Variants in MTOR observed in about 807,000 individuals in gnomAD.
MTOR encodes serine/threonine-protein kinase mTOR.
MTOR carries 70 observed loss-of-function variants against 319.8 expected under a neutral mutation model. The observed-to-expected ratio is 0.22, with a 90% CI of 0.18 to 0.27. The LOEUF (loss-of-function observed/expected upper bound fraction) is 0.27. Ranked by LOEUF, MTOR falls within the 10% of genes least tolerant of loss-of-function variation. The pLI, the probability that MTOR is intolerant of heterozygous loss-of-function variation, is 1.00. For missense variants in MTOR, 1,890 were observed against 3,274.4 expected, an observed-to-expected ratio of 0.58 and a Z score of 10.32; for synonymous variants, 1,183 against 1,211.4, an observed-to-expected ratio of 0.98 and a Z score of 0.49.
chr1:11,192,619 A>G (rs1230807651), intron 28 of MTOR, among the ~76,000 whole-genome samples: 2 of 151,864 alleles, frequency 1.3e-5, no homozygotes, highest in African/African-American at 4.8e-5. Context: ...TTAGCCAGGC[A>G]TGGTGGTGGG....
chr1:11,161,553 C>T (rs1644478441), intron 29 of MTOR, among the ~76,000 whole-genome samples: 1 of 152,186 alleles, frequency 6.6e-6, no homozygotes, highest in Non-Finnish European at 1.5e-5. Flanking sequence ...CCGACTGACA[C>T]CTCACACGGC....
chr1:11,113,024 G>A, intron 53 of MTOR, 107 bp from the exon 54 acceptor site: 1 of 1,210,826 alleles, frequency 8.3e-7, no homozygotes, highest in Non-Finnish European at 1.2e-6. Context: ...TAAAGCTATA[G>A]CCCCAAAAAA....
Position 11,121,676 on chromosome 1 carries a change from C to T in MTOR, c.6810+303G>A, listed in dbSNP as rs1460540867. On this transcript the variant is annotated intron_variant, in intron 48 of 57. Coordinates refer to ENST00000361445, the MANE Select transcript of MTOR (RefSeq NM_004958.4). The surrounding 1 kb of genome is among the most constrained non-coding windows in gnomAD (Gnocchi z 4.9). ...AAGCAATTCTCTTTCTTATTACTTA[C>T]ACATCTACTAAACATTATTTCTCCA... Among the ~76,000 whole-genome samples the T allele has an allele frequency of 6.6e-6, 1 of 152,204 alleles. No homozygotes were observed. The highest frequency in any genetic ancestry group is 1.5e-5 in the Non-Finnish European group (1 of 68,028).
In MTOR at chr1:11,114,794, G is replaced by A. The variant is rs2275523; in HGVS notation, c.7164+19C>T. The A allele has an allele frequency of 0.011, 17,542 of 1,612,106 alleles. 616 individuals are homozygous for A. Among genetic ancestry groups the A allele is most frequent in the African/African-American group, 0.068 (5,132 of 74,924 alleles). Reference sequence around the variant, plus strand: ...TCCTGATCCCATTTGGAAGCAGCTCGTTCCCGATATCCACTCACCTCCATA... The same window carrying A: ...TCCTGATCCCATTTGGAAGCAGCTCATTCCCGATATCCACTCACCTCCATA... On this transcript the variant is annotated intron_variant, in intron 52 of 57. Transcript: ENST00000361445.
intron 28 of MTOR, among the ~76,000 whole-genome samples, chr1:11,174,403 C>T (rs2100642453): frequency 6.6e-6 from 1 of 152,270 alleles, no homozygotes; most frequent in African/African-American, 2.4e-5. Flanking sequence ...TACTCCCAAG[C>T]TCCCATCTCA....
chr1:11,151,036 G>A (rs1644123315), intron 30 of MTOR, among the ~76,000 whole-genome samples: 1 of 152,144 alleles, frequency 6.6e-6, no homozygotes, highest in African/African-American at 2.4e-5. Context: ...GATTTAACTT[G>A]GCACTGGAGG....
At chr1:11,168,908 G>C (rs141621305) in intron 28 of MTOR, among the ~76,000 whole-genome samples, 1 of 152,082 alleles carries the variant, frequency 6.6e-6, no homozygotes, top group Non-Finnish European at 1.5e-5. Context: ...GAAGGAGCTC[G>C]CTTGAGAAAT....
Position 11,133,224 on chromosome 1 carries a change from G to A in MTOR, c.5247-27C>T. 3 of 1,597,682 alleles carry A rather than the reference G, an allele frequency of 1.9e-6. No individual in the cohort carries two copies. The highest frequency in any genetic ancestry group is 1.7e-6 in the Non-Finnish European group (2 of 1,165,088). ...TGGAAGCAGAGAAACAAGCCCCCATGACATTCCCTCCTCAAAACAGCCCTC... is the reference window on the plus strand; with the variant it reads ...TGGAAGCAGAGAAACAAGCCCCCATAACATTCCCTCCTCAAAACAGCCCTC... On this transcript the variant is annotated intron_variant, in intron 37 of 57. Coordinates refer to ENST00000361445, the MANE Select transcript of MTOR (RefSeq NM_004958.4). This position sits in a 1 kb window ranked among gnomAD's most constrained non-coding sequence, Gnocchi z 4.0.
intron 3 of MTOR, 117 bp downstream of exon 3, chr1:11,258,368 G>A (rs1650699791): frequency 9.7e-6 from 7 of 719,156 alleles, no homozygotes; most frequent in South Asian, 5.6e-5. Flanking sequence ...TAAAAGCCAC[G>A]GGCTTCTTAA....
chr1:11,112,886 C>G lies in MTOR; in HGVS notation c.7332G>C (p.Thr2444=), dbSNP rs781761289. 1.9e-6 allele frequency: 3 copies of G among 1,614,204 alleles called. No homozygotes were observed. Among genetic ancestry groups the G allele is most frequent in the Non-Finnish European group, 2.5e-6 (3 of 1,180,032 alleles). ...TNTKGNKRSR[T]RTDSYSAGQS... ...GGCCAGCAGAGTAGGAATCCGTCCT[C>G]GTTCGGGATCGCTTGTTGCCTTTGG... is the stretch of plus-strand genomic sequence containing the variant. Residue 2444 remains threonine, a synonymous_variant, in exon 54 of 58, where the codon ACG becomes ACC. Coordinates refer to ENST00000361445, the MANE Select transcript of MTOR (RefSeq NM_004958.4).
chr1:11,147,832 T>C (rs1044891553), intron 31 of MTOR, among the ~76,000 whole-genome samples: 1 of 152,170 alleles, frequency 6.6e-6, no homozygotes, highest in Non-Finnish European at 1.5e-5. Context: ...GGAACACATA[T>C]TGATAATCCT....
chr1:11,144,581 G>T, intron 34 of MTOR, 67 bp downstream of exon 34: 1 of 1,347,068 alleles, frequency 7.4e-7, no homozygotes, highest in Non-Finnish European at 1.1e-6. Flanking sequence ...GGTGGAGGGG[G>T]GCACTCACCC....
In MTOR at chr1:11,139,823, C is replaced by T. The variant is rs370351032; in HGVS notation, c.4873-165G>A. On this transcript the variant is annotated intron_variant, in intron 34 of 57. Transcript: ENST00000361445. ...TCTCCTGCCTCAGCCTCCCGAGTAG[C>T]GGGGATTACAGGCGTGTGCCATCAT... Among the ~76,000 whole-genome samples the T allele has an allele frequency of 1.8e-4, 28 of 152,310 alleles. No homozygotes were observed. The South Asian group carries it at 5.2e-3, about 28-fold the overall frequency.
intron 1 of MTOR, among the ~76,000 whole-genome samples, chr1:11,261,683 C>T (rs1483358863): frequency 6.6e-6 from 1 of 151,938 alleles, no homozygotes; most frequent in Admixed American, 6.6e-5. Context: ...TTCAAATACT[C>T]CACTGCCAAG....
chr1:11,139,821 A>G (rs991596945), intron 34 of MTOR, among the ~76,000 whole-genome samples, 163 bp from the exon 35 acceptor site: 4 of 152,184 alleles, frequency 2.6e-5, no homozygotes, highest in Admixed American at 2.0e-4. Flanking sequence ...CCTCCCGAGT[A>G]GCGGGGATTA....
chr1:11,135,298 G>GA lies in MTOR; in HGVS notation c.5131-833dup, dbSNP rs548505677. On this transcript the variant is annotated intron_variant, in intron 36 of 57. Coordinates refer to ENST00000361445, the MANE Select transcript of MTOR (RefSeq NM_004958.4). ...CTAGAGGGGGGAAAACCCACAAATA[G>GA]AAAAAAAAATAATAATAAAGGGCTT... is the stretch of plus-strand genomic sequence containing the variant. Among the ~76,000 whole-genome samples the GA allele has an allele frequency of 5.7e-3, 849 of 148,506 alleles. 3 individuals are homozygous for GA. The highest frequency in any genetic ancestry group is 1.0e-2 in the Non-Finnish European group (668 of 66,890).
intron 54 of MTOR, among the ~76,000 whole-genome samples, chr1:11,110,101 C>A (rs563689622): frequency 1.3e-5 from 2 of 152,038 alleles, no homozygotes; most frequent in African/African-American, 4.8e-5. Context: ...GATTTTCAGG[C>A]AAATTGCATT....
At position 11,180,933 on chromosome 1, in the gene MTOR, C is replaced by T. The variant is rs142908950; in HGVS notation, c.4254-13416G>A. On this transcript the variant is annotated intron_variant, in intron 28 of 57. Coordinates refer to ENST00000361445, the MANE Select transcript of MTOR (RefSeq NM_004958.4). ...CTGGGACTACAGGAGTGTGCCACCACATCCAGCTAATTTTTGTATTTTTAA... is the reference window on the plus strand; with the variant it reads ...CTGGGACTACAGGAGTGTGCCACCATATCCAGCTAATTTTTGTATTTTTAA... 6.5e-4 allele frequency among the ~76,000 whole-genome samples: 99 copies of T among 152,188 alleles called. 1 individual carries two copies. Among genetic ancestry groups the T allele is most frequent in the Non-Finnish European group, 2.4e-4 (16 of 68,000 alleles).
At chr1:11,233,232 A>G (rs1035834382) in intron 15 of MTOR, 166 bp downstream of exon 15, 1 of 815,846 alleles carries the variant, frequency 1.2e-6, no homozygotes, top group African/African-American at 1.8e-5. Flanking sequence ...TTTTATTGAG[A>G]ATATATTATT....
Sources: allele counts gnomAD v4.1 joint callset (sites outside exome capture counted in the v4.1 genomes callset), GRCh38; gene constraint gnomAD v4.1.1; non-coding constraint Gnocchi (gnomAD v3.1); transcripts MANE v1.5; gene names NCBI Gene and HGNC (gene_info 2026-07-23, HGNC 2026-07-21).